The following ROCK2 variants were observed in gnomAD, a reference collection of about 807,000 sequenced individuals.
The protein encoded by ROCK2 is Rho associated coiled-coil containing protein kinase 2.
Under a neutral mutation model 195.1 loss-of-function variants are expected in ROCK2, and 61 were observed. The ratio of observed to expected loss-of-function variants is 0.31; its 90% CI spans 0.25 to 0.39. The LOEUF is 0.39. ROCK2 is among the 10% of genes least tolerant of loss of function. ROCK2 has a pLI of 1.00. For missense variants in ROCK2, 1,109 were observed against 1,637.4 expected (o/e 0.68, Z 5.57); for synonymous variants, 504 against 545.5 (o/e 0.92, Z 1.06).
At chr2:11,335,108 TACACAC>T (rs59721285) in intron 1 of ROCK2, among the ~76,000 whole-genome samples, 67,426 of 144,916 alleles carry the variant, frequency 0.47, 15,811 homozygotes, top group Admixed American at 0.53. Context: ...CTTTGACTGA[TACACAC>T]ACACACACAC....
At chr2:11,247,375 A>G (rs969167377) in intron 4 of ROCK2, among the ~76,000 whole-genome samples, 3 of 152,366 alleles carry the variant, frequency 2.0e-5, no homozygotes, top group Admixed American at 6.5e-5. Context: ...AAGTTTTCAC[A>G]AAAGGTCAAA....
At chr2:11,325,892 G>C (rs895305092) in intron 1 of ROCK2, among the ~76,000 whole-genome samples, 1 of 152,184 alleles carries the variant, frequency 6.6e-6, no homozygotes, top group Non-Finnish European at 1.5e-5. Flanking sequence ...TCCCCTTTAA[G>C]AGGTAACGCT....
At position 11,205,538 on chromosome 2, in the gene ROCK2, G is replaced by T. The variant is rs147454480; in HGVS notation, c.2549+2188C>A. Reference sequence around the variant, plus strand: ...CTTACAAGAAAGAAGAGATATACATGTTGGCCATTTTAAAAAGAAGCCAAC... The same window carrying T: ...CTTACAAGAAAGAAGAGATATACATTTTGGCCATTTTAAAAAGAAGCCAAC... On this transcript the variant is annotated intron_variant, in intron 20 of 32. Transcript: ENST00000315872. Among the ~76,000 whole-genome samples the T allele has an allele frequency of 3.3e-4, 49 of 149,734 alleles. 1 individual carries two copies. In the East Asian group the frequency reaches 9.6e-3, roughly 29 times the overall value.
Position 11,247,818 on chromosome 2 carries a change from G to A in ROCK2, c.462+1843C>T, listed in dbSNP as rs190068366. Among the ~76,000 whole-genome samples the A allele has an allele frequency of 5.6e-4, 85 of 151,954 alleles. 1 individual carries two copies. Among genetic ancestry groups the A allele is most frequent in the Admixed American group, 1.9e-3 (29 of 15,274 alleles). ...GCAGATCACTTGAGGTCAGGAGTTC[G>A]AGACCAGCCTGGCCAACATGGTGAG... On this transcript the variant is annotated intron_variant, in intron 4 of 32. Transcript: ENST00000315872.
intron 1 of ROCK2, among the ~76,000 whole-genome samples, chr2:11,306,007 C>A (rs1314018217): frequency 6.6e-6 from 1 of 152,280 alleles, no homozygotes; most frequent in East Asian, 1.9e-4. Context: ...GGCTTGTAAT[C>A]ATCAAAACTG....
intron 7 of ROCK2, among the ~76,000 whole-genome samples, chr2:11,223,969 C>T (rs1325504684): frequency 6.6e-6 from 1 of 152,092 alleles, no homozygotes; most frequent in African/African-American, 2.4e-5. Context: ...TTTATCTACA[C>T]AAAATACTCT....
intron 3 of ROCK2, among the ~76,000 whole-genome samples, chr2:11,259,473 T>C (rs540586838): frequency 1.3e-5 from 2 of 151,390 alleles, no homozygotes; most frequent in Non-Finnish European, 2.9e-5. Context: ...CATACAAATA[T>C]GGGTTTCAGG....
intron 4 of ROCK2, among the ~76,000 whole-genome samples, chr2:11,249,216 T>G (rs1665740897): frequency 6.6e-6 from 1 of 152,194 alleles, no homozygotes; most frequent in African/African-American, 2.4e-5. Flanking sequence ...TTTATTTTTT[T>G]AATGATTATA....
In ROCK2 at chr2:11,198,770, T is replaced by C. The variant is rs768232919; in HGVS notation, c.2915A>G (p.Glu972Gly). 6.3e-7 allele frequency: 1 copy of C among 1,579,354 alleles called. No homozygotes were observed. The highest frequency in any genetic ancestry group is 1.2e-5 in the South Asian group (1 of 85,722). ...TEKDATIASLEETNRTLTSDV... is the reference protein window; with the variant it reads ...TEKDATIASLGETNRTLTSDV... ...ACTAGTTAGTGTCCTATTAGTTTCC[T>C]CAAGCTAAGAAATGAAAGAGGAAAA... is the stretch of plus-strand genomic sequence containing the variant. Residue 972 changes from glutamate to glycine, a missense_variant, in exon 24 of 33, where the codon GAG (glutamate) becomes GGG (glycine). By Grantham distance (98) the Glu-to-Gly change is moderately conservative. Transcript: ENST00000315872.
At chr2:11,303,737 T>C (rs1667773887) in intron 1 of ROCK2, among the ~76,000 whole-genome samples, 1 of 152,154 alleles carries the variant, frequency 6.6e-6, no homozygotes, top group Non-Finnish European at 1.5e-5. Context: ...CCATTCCCTT[T>C]ACAATTCACT....
At chr2:11,229,466 T>C (rs948455812) in intron 5 of ROCK2, among the ~76,000 whole-genome samples, 1 of 151,246 alleles carries the variant, frequency 6.6e-6, no homozygotes, top group Admixed American at 6.6e-5. Context: ...AAGGGAGTAA[T>C]GGGAACAGGG....
chr2:11,308,026 T>C, intron 1 of ROCK2: 4 of 1,573,402 alleles, frequency 2.5e-6, no homozygotes, highest in South Asian at 1.2e-5. Context: ...GGACCAGCCA[T>C]GTCAGAGGTG....
At chr2:11,265,619 G>A (rs1301352276) in intron 3 of ROCK2, among the ~76,000 whole-genome samples, 1 of 152,142 alleles carries the variant, frequency 6.6e-6, no homozygotes, top group African/African-American at 2.4e-5. Context: ...AATGGTAATA[G>A]GGAGAAAGAA....
At chr2:11,232,715 T>C (rs1665063676) in intron 5 of ROCK2, among the ~76,000 whole-genome samples, 1 of 152,164 alleles carries the variant, frequency 6.6e-6, no homozygotes, top group Non-Finnish European at 1.5e-5. Flanking sequence ...AGGAGTTCTA[T>C]TCAAACAAAG....
intron 3 of ROCK2, among the ~76,000 whole-genome samples, chr2:11,273,943 A>AAAG (rs397944831): frequency 6.6e-6 from 1 of 150,614 alleles, no homozygotes; most frequent in African/African-American, 2.4e-5. Flanking sequence ...AAAAAAAAAA[A>AAAG]GACTTCGATA....
chr2:11,326,289 C>T (rs185554249), intron 1 of ROCK2, among the ~76,000 whole-genome samples: 3 of 151,754 alleles, frequency 2.0e-5, no homozygotes, highest in Non-Finnish European at 4.4e-5. Context: ...AGCAAAGGAG[C>T]CTAAGGAGAA....
rs750095387 is a variant in ROCK2, at chr2:11,249,658, T to C, written c.462+3A>G. 2.0e-6 allele frequency: 3 copies of C among 1,495,838 alleles called. No homozygotes were observed. Among genetic ancestry groups the C allele is most frequent in the East Asian group, 2.4e-5 (1 of 41,302 alleles). The allele number at this position is 1,495,838 out of a possible 1,614,324, so 92.7% of individuals were successfully genotyped here. On this transcript the variant is annotated splice_donor_region_variant and intron_variant, in intron 4 of 32. Transcript: ENST00000315872. ...ATAAACTTATAAAAGTTAGTATGCT[T>C]ACCTGAACCACCCAGGGGCTATTGG...
chr2:11,240,346 G>A (rs1042526926), intron 4 of ROCK2, among the ~76,000 whole-genome samples: 2 of 152,138 alleles, frequency 1.3e-5, no homozygotes, highest in African/African-American at 4.8e-5. Flanking sequence ...AAATTCCAGG[G>A]CTTTTGAAGC....
At chr2:11,314,464 T>C (rs1668131738) in intron 1 of ROCK2, among the ~76,000 whole-genome samples, 1 of 151,890 alleles carries the variant, frequency 6.6e-6, no homozygotes, top group Admixed American at 6.6e-5. Flanking sequence ...TACCAACATA[T>C]TACAATTTCC....
Sources: allele counts gnomAD v4.1 joint callset (sites outside exome capture counted in the v4.1 genomes callset), GRCh38; gene constraint gnomAD v4.1.1; transcripts MANE v1.5; gene names NCBI Gene and HGNC (gene_info 2026-07-23, HGNC 2026-07-21).